The following TRPM6 variants were observed in gnomAD, a reference collection of about 807,000 sequenced individuals.
TRPM6 encodes channel kinase 2.
A neutral mutation model predicts 247.6 loss-of-function variants in TRPM6; 111 were observed. That is an observed-to-expected ratio of 0.45 (90% CI 0.38 to 0.52). The LOEUF (loss-of-function observed/expected upper bound fraction) is 0.52. Among genes scored for constraint, TRPM6 ranks in the 20% least tolerant of loss-of-function variants. The pLI, the probability that TRPM6 is intolerant of heterozygous loss-of-function variation, is 0.00. For synonymous variants in TRPM6, 892 were observed against 853.8 expected (o/e 1.04, Z -0.78); for missense variants, 2,126 against 2,421.5 (o/e 0.88, Z 2.56).
rs767679390 is a variant in TRPM6, at chr9:74,827,947, C to T, written c.672G>A (p.Val224=). The T allele has an allele frequency of 6.2e-7, 1 of 1,613,858 alleles. No individual in the cohort carries two copies. The highest frequency in any genetic ancestry group is 1.7e-5 in the Admixed American group (1 of 59,994). ...ENQRDLIGKD[V]VCLYQTLDNP... is the part of the protein sequence containing the mutation. ...TATCCAGAGTCTGGTACAGGCACACCACCTGAGAGACAGCAAGGACAAGGG... is the reference window on the plus strand; with the variant it reads ...TATCCAGAGTCTGGTACAGGCACACTACCTGAGAGACAGCAAGGACAAGGG... Residue 224 remains valine, a splice_region_variant and synonymous_variant, in exon 7 of 39, where the codon GTG becomes GTA. Coordinates refer to ENST00000360774, the MANE Select transcript of TRPM6 (RefSeq NM_017662.5).
At chr9:74,864,019 T>C (rs1224955684) in intron 1 of TRPM6, among the ~76,000 whole-genome samples, 1 of 152,156 alleles carries the variant, frequency 6.6e-6, no homozygotes, top group South Asian at 2.1e-4. Flanking sequence ...AACAACTACT[T>C]CTTCAGTGGA....
chr9:74,792,882 G>T (rs1268045679), intron 18 of TRPM6, 112 bp from the exon 19 acceptor site: 4 of 1,094,108 alleles, frequency 3.7e-6, no homozygotes, highest in Non-Finnish European at 5.4e-6. Context: ...GTTGGCTGGG[G>T]GCGGTGGCTC....
chr9:74,737,452 T>C (rs1171213417), intron 36 of TRPM6: 1 of 1,289,566 alleles, frequency 7.8e-7, no homozygotes, highest in Non-Finnish European at 1.0e-6. Context: ...ACCAGAGAGC[T>C]GGGAAAGTCA....
chr9:74,850,583 G>A (rs1420551637), intron 3 of TRPM6, among the ~76,000 whole-genome samples: 1 of 152,048 alleles, frequency 6.6e-6, no homozygotes, highest in Non-Finnish European at 1.5e-5. Flanking sequence ...ATCCAGGTGT[G>A]GTGGCAAGTG....
At chr9:74,764,370 T>C (rs1363028351) in intron 25 of TRPM6, among the ~76,000 whole-genome samples, 2 of 152,132 alleles carry the variant, frequency 1.3e-5, no homozygotes, top group Non-Finnish European at 2.9e-5. Context: ...GGTGTCCTTA[T>C]AATGTGAAAT....
chr9:74,877,499 G>A (rs1358300945), intron 1 of TRPM6, among the ~76,000 whole-genome samples: 2 of 152,222 alleles, frequency 1.3e-5, no homozygotes, highest in East Asian at 3.9e-4. Context: ...AGCAGCTACA[G>A]CAAGGTGCCA....
intron 4 of TRPM6, among the ~76,000 whole-genome samples, chr9:74,841,378 A>G (rs1829933679): frequency 6.6e-6 from 1 of 152,262 alleles, no homozygotes; most frequent in Non-Finnish European, 1.5e-5. Flanking sequence ...AGTAAGGACA[A>G]TAAGAAACCA....
At chr9:74,887,518 A>G in intron 1 of TRPM6, 2 of 1,153,158 alleles carry the variant, frequency 1.7e-6, no homozygotes, top group Non-Finnish European at 2.5e-6. Flanking sequence ...CACCGCCCCG[A>G]GCTGAACCCC....
chr9:74,785,111 AATG>A (rs1827598870), intron 21 of TRPM6, among the ~76,000 whole-genome samples: 1 of 152,032 alleles, frequency 6.6e-6, no homozygotes, highest in South Asian at 2.1e-4. Flanking sequence ...TGTCTCACAT[AATG>A]ATGATAATAA....
At chr9:74,798,115 C>A (rs755374207) in intron 17 of TRPM6, among the ~76,000 whole-genome samples, 21 of 152,072 alleles carry the variant, frequency 1.4e-4, no homozygotes, top group Admixed American at 5.2e-4. Flanking sequence ...TTACTAAATG[C>A]TCTGATATCA....
At chr9:74,876,775 G>T (rs1047836256) in intron 1 of TRPM6, among the ~76,000 whole-genome samples, 1 of 152,018 alleles carries the variant, frequency 6.6e-6, no homozygotes, top group Non-Finnish European at 1.5e-5. Context: ...TATATAAAAC[G>T]CCCTGAAAAA....
intron 1 of TRPM6, chr9:74,875,245 A>G (rs1360443699): frequency 6.6e-6 from 3 of 455,796 alleles, no homozygotes; most frequent in Non-Finnish European, 8.8e-6. Flanking sequence ...CTTCCCTTCC[A>G]TTAAACTTGA....
chr9:74,745,576 A>C (rs1438655975), intron 31 of TRPM6, among the ~76,000 whole-genome samples: 1 of 152,142 alleles, frequency 6.6e-6, no homozygotes, highest in Non-Finnish European at 1.5e-5. Flanking sequence ...CATAAGGTGA[A>C]ATTTGAGCAC....
At chr9:74,801,275 T>TTTTTA (rs1491404272) in intron 16 of TRPM6, among the ~76,000 whole-genome samples, 1 of 75,852 alleles carries the variant, frequency 1.3e-5, no homozygotes, top group African/African-American at 6.3e-5. Flanking sequence ...TTTTTTTTTT[T>TTTTTA]ATTGACGGAG....
intron 24 of TRPM6, among the ~76,000 whole-genome samples, chr9:74,775,582 T>C (rs562746183): frequency 2.0e-5 from 3 of 152,248 alleles, no homozygotes; most frequent in African/African-American, 7.2e-5. Flanking sequence ...TTCTGATGAG[T>C]TCTCCGGTCA....
chr9:74,878,146 C>T (rs114933848), intron 1 of TRPM6, among the ~76,000 whole-genome samples: 156 of 152,252 alleles, frequency 1.0e-3, no homozygotes, highest in African/African-American at 3.5e-3. Context: ...TAGTCCATCA[C>T]AGTCAATTTC....
intron 1 of TRPM6, among the ~76,000 whole-genome samples, chr9:74,884,198 T>C (rs1432755060): frequency 6.6e-6 from 1 of 151,606 alleles, no homozygotes; most frequent in Admixed American, 6.6e-5. Flanking sequence ...AAATAATAAA[T>C]ACATATGTAT....
Position 74,810,798 on chromosome 9 carries a change from C to T in TRPM6, c.1497+17G>A. 6.2e-7 allele frequency: 1 copy of T among 1,612,410 alleles called. No individual in the cohort carries two copies. The highest frequency in any genetic ancestry group is 8.5e-7 in the Non-Finnish European group (1 of 1,178,562). ...GCAATACACAAAGACATGTTCACGC[C>T]TTCTTAATTAGGTTACCTGTTTCAC... On this transcript the variant is annotated intron_variant, in intron 13 of 38. Transcript: ENST00000360774.
chr9:74,782,444 A>G lies in TRPM6; in HGVS notation c.3127T>C (p.Ser1043Pro), dbSNP rs375138205. 1.9e-6 allele frequency: 3 copies of G among 1,614,170 alleles called. No individual in the cohort carries two copies. Among genetic ancestry groups the G allele is most frequent in the African/African-American group, 2.7e-5 (2 of 75,068 alleles). The change falls in exon 23 of 39, where the codon TCT (serine) becomes CCT (proline). Residue 1043 changes from serine (S) to proline (P), a missense_variant. Physicochemically the swap from Ser to Pro is moderately conservative, Grantham distance 74. This residue lies in a region of TRPM6 where 1,082 missense variants were observed against 1,307.9 expected (regional missense o/e 0.83). Coordinates refer to ENST00000360774, the MANE Select transcript of TRPM6 (RefSeq NM_017662.5). ...CSSQPSCPPG[S>P]FLTPFLQAVY... ...GCTTGCAAGAATGGAGTAAGAAAAGAACCAGGAGGGCAGGATGGCTGGCTT... is the reference window on the plus strand; with the variant it reads ...GCTTGCAAGAATGGAGTAAGAAAAGGACCAGGAGGGCAGGATGGCTGGCTT...
Sources: gnomAD v4.1 joint callset for allele counts (sites outside exome capture counted in the v4.1 genomes callset) on GRCh38, gnomAD v4.1.1 for gene constraint, gnomAD v4.1.1 regional missense constraint, MANE v1.5 for transcripts, NCBI Gene and HGNC (gene_info 2026-07-23, HGNC 2026-07-21) for gene names.